The following RGS9 variants were observed in gnomAD, a reference collection of about 807,000 sequenced individuals.
RGS9 encodes regulator of G-protein signalling 9.
Under a neutral mutation model 102.0 loss-of-function variants are expected in RGS9, and 78 were observed. That is an observed-to-expected ratio of 0.76 (90% CI 0.64 to 0.92). RGS9 has a LOEUF of 0.92. Among genes scored for constraint, RGS9 ranks in the 40% least tolerant of loss-of-function variants. The pLI is 0.00. For missense variants in RGS9, 833 were observed against 866.1 expected (o/e 0.96, Z 0.48); for synonymous variants, 353 against 318.6 (o/e 1.11, Z -1.15).
rs1192693156 is a variant in RGS9 at position 65,208,024 on chromosome 17, G to A, written c.1289+17G>A. On this transcript the variant is annotated intron_variant, in intron 16 of 18. Coordinates refer to ENST00000262406, the MANE Select transcript of RGS9 (RefSeq NM_003835.4). ...CAAGAAAAGGCAAGTGGAATTATCT[G>A]TAATTGCTGGCTGCCTGCTGCTTAG... 6.4e-7 allele frequency: 1 copy of A among 1,558,634 alleles called. No individual in the cohort carries two copies. The highest frequency in any genetic ancestry group is 8.8e-7 in the Non-Finnish European group (1 of 1,129,956).
intron 14 of RGS9, among the ~76,000 whole-genome samples, chr17:65,203,350 G>A (rs1912928841): frequency 6.6e-6 from 1 of 152,138 alleles, no homozygotes; most frequent in Admixed American, 6.5e-5. Flanking sequence ...TACAATGGGT[G>A]CCTGATTGCC....
intron 3 of RGS9, among the ~76,000 whole-genome samples, chr17:65,159,173 A>AG (rs1441685265): frequency 9.3e-6 from 1 of 107,372 alleles, no homozygotes; most frequent in African/African-American, 3.6e-5. Context: ...CCTGCCCGCC[A>AG]GAGAACAACC....
At chr17:65,213,315 G>T (rs8064826) in intron 17 of RGS9, among the ~76,000 whole-genome samples, 2,268 of 152,314 alleles carry the variant, frequency 0.015, 74 homozygotes, top group African/African-American at 0.051. Flanking sequence ...GACATCAAAG[G>T]CATTTTGTGC....
chr17:65,194,837 G>A (rs902850367), intron 12 of RGS9, among the ~76,000 whole-genome samples: 2 of 152,306 alleles, frequency 1.3e-5, no homozygotes, highest in Admixed American at 6.5e-5. Context: ...CAACACTGCC[G>A]AGGCCATGAG....
intron 8 of RGS9, among the ~76,000 whole-genome samples, chr17:65,171,210 A>G (rs1442070332): frequency 6.6e-6 from 1 of 152,184 alleles, no homozygotes; most frequent in Non-Finnish European, 1.5e-5. Context: ...ATCTTCGTTG[A>G]GCCTTGACTT....
intron 3 of RGS9, among the ~76,000 whole-genome samples, chr17:65,159,564 G>A (rs1910900411): frequency 6.6e-6 from 1 of 152,246 alleles, no homozygotes; most frequent in African/African-American, 2.4e-5. Context: ...CTTGGGCTGG[G>A]GGGTCCTGCA....
At chr17:65,149,324 T>C (rs918054060) in intron 1 of RGS9, among the ~76,000 whole-genome samples, 23 of 152,146 alleles carry the variant, frequency 1.5e-4, no homozygotes, top group Non-Finnish European at 2.8e-4. Flanking sequence ...TAGTGAAATT[T>C]AGCAATTTAC....
At chr17:65,168,145 C>A in intron 7 of RGS9, 55 bp from the exon 8 acceptor site, 1 of 1,225,824 alleles carries the variant, frequency 8.2e-7, no homozygotes, top group Non-Finnish European at 1.2e-6. Context: ...AGGGGCATCA[C>A]TAATCAAAAG....
intron 8 of RGS9, among the ~76,000 whole-genome samples, chr17:65,175,171 G>T (rs2144030694): frequency 6.6e-6 from 1 of 152,054 alleles, no homozygotes; most frequent in South Asian, 2.1e-4. Flanking sequence ...GTGTAGGTGT[G>T]TGCATGTATG....
At chr17:65,164,220 T>C (rs537329896) in intron 7 of RGS9, among the ~76,000 whole-genome samples, 67 of 152,244 alleles carry the variant, frequency 4.4e-4, no homozygotes, top group Non-Finnish European at 2.4e-4. Context: ...GCTGGGGCCC[T>C]GACATGCTTT....
chr17:65,200,604 G>T (rs774823644), intron 13 of RGS9, among the ~76,000 whole-genome samples: 6 of 152,180 alleles, frequency 3.9e-5, no homozygotes, highest in Non-Finnish European at 7.3e-5. Context: ...ATGCTGAAAA[G>T]GAAGGACCTC....
chr17:65,167,619 G>T (rs536145052), intron 7 of RGS9, among the ~76,000 whole-genome samples: 1 of 152,354 alleles, frequency 6.6e-6, no homozygotes, highest in South Asian at 2.1e-4. Flanking sequence ...CCCCAGGCCA[G>T]CATCTTCCTT....
rs1333244428 is a variant in RGS9 at position 65,204,204 on chromosome 17, A to G, written c.1106A>G (p.Asp369Gly). ...GGGGCGAGGCGCTGGATCAACATAGATGGCAAAACCATGGACATCACAGTG... is the reference window on the plus strand; with the variant it reads ...GGGGCGAGGCGCTGGATCAACATAGGTGGCAAAACCATGGACATCACAGTG... Reference protein sequence around the residue: ...APGARRWINIDGKTMDITVKG... With the variant: ...APGARRWINIGGKTMDITVKG... The change falls in exon 15 of 19, where the codon GAT becomes GGT. Residue 369 changes from aspartate (D) to glycine (G), a missense_variant. Around this residue, in one of 3 missense-constraint regions of RGS9, gnomAD observed 185 missense variants for 248.7 expected, o/e 0.74. Coordinates refer to ENST00000262406, the MANE Select transcript of RGS9 (RefSeq NM_003835.4). 1.2e-6 allele frequency: 2 copies of G among 1,613,156 alleles called. No individual in the cohort carries two copies. Among genetic ancestry groups the G allele is most frequent in the African/African-American group, 1.3e-5 (1 of 74,970 alleles).
chr17:65,180,284 G>C (rs1911823516), intron 9 of RGS9, among the ~76,000 whole-genome samples: 1 of 152,154 alleles, frequency 6.6e-6, no homozygotes, highest in Non-Finnish European at 1.5e-5. Context: ...GAGAACTCAT[G>C]GTGCCTGAGC....
At chr17:65,176,966 C>T (rs913328693) in intron 8 of RGS9, among the ~76,000 whole-genome samples, 12 of 140,722 alleles carry the variant, frequency 8.5e-5, no homozygotes, top group African/African-American at 3.3e-4. Flanking sequence ...CCATCCATCC[C>T]TCCTTCCCTT....
Position 65,163,281 on chromosome 17 carries a change from T to C in RGS9, c.500+192T>C, listed in dbSNP as rs574107525. 1.2e-3 allele frequency among the ~76,000 whole-genome samples: 184 copies of C among 151,604 alleles called. 1 individual carries two copies. The highest frequency in any genetic ancestry group is 4.3e-3 in the African/African-American group (179 of 41,348). ...CCTCCGCCTCCTGGGTTCAAGCGAT[T>C]CTCCTGCCTTGCCTCCCAAGTAGCT... is the stretch of plus-strand genomic sequence containing the variant. On this transcript the variant is annotated intron_variant, in intron 7 of 18. Coordinates refer to ENST00000262406, the MANE Select transcript of RGS9 (RefSeq NM_003835.4).
At chr17:65,203,210 A>G (rs1912922840) in intron 14 of RGS9, among the ~76,000 whole-genome samples, 1 of 152,084 alleles carries the variant, frequency 6.6e-6, no homozygotes, top group African/African-American at 2.4e-5. Context: ...AGAGGTTCAT[A>G]CACTCTATTG....
chr17:65,172,836 G>C (rs898455947), intron 8 of RGS9, among the ~76,000 whole-genome samples: 1 of 152,172 alleles, frequency 6.6e-6, no homozygotes. Context: ...TTCAAGCCAA[G>C]ATCCTCTAGG....
intron 18 of RGS9, 124 bp from the exon 19 acceptor site, chr17:65,227,151 C>A: frequency 7.6e-7 from 1 of 1,318,208 alleles, no homozygotes; most frequent in Non-Finnish European, 1.1e-6. Context: ...TATACCTGCC[C>A]CCACCACAGT....
Sources: gnomAD v4.1 joint callset for allele counts (sites outside exome capture counted in the v4.1 genomes callset) on GRCh38, gnomAD v4.1.1 for gene constraint, gnomAD v4.1.1 regional missense constraint, MANE v1.5 for transcripts, NCBI Gene and HGNC (gene_info 2026-07-23, HGNC 2026-07-21) for gene names.